The following GCN1 variants were observed in gnomAD, a reference collection of about 807,000 sequenced individuals.
GCN1 encodes GCN1 activator of EIF2AK4.
A neutral mutation model predicts 288.4 loss-of-function variants in GCN1; 90 were observed. The observed-to-expected ratio is 0.31, with a 90% CI of 0.26 to 0.37. The LOEUF is 0.37. GCN1 is among the 10% of genes least tolerant of loss of function. The pLI is 1.00. For synonymous variants in GCN1, 1,386 were observed against 1,420.2 expected, an observed-to-expected ratio of 0.98 and a Z score of 0.54; for missense variants, 2,586 against 3,419.9, an observed-to-expected ratio of 0.76 and a Z score of 6.08.
Position 120,140,972 on chromosome 12 carries a change from G to A in GCN1, c.5881C>T (p.Leu1961Phe), listed in dbSNP as rs1169423072. The A allele has an allele frequency of 7.3e-5, 117 of 1,613,750 alleles. No homozygotes were observed. The highest frequency in any genetic ancestry group is 9.7e-5 in the Non-Finnish European group (115 of 1,179,896). Residue 1961 changes from leucine (L) to phenylalanine (F), a missense_variant, in exon 45 of 58, where the codon CTC (leucine) becomes TTC (phenylalanine). This residue lies in a region of GCN1 where 437 missense variants were observed against 570.5 expected (regional missense o/e 0.77). Transcript: ENST00000300648. ...DLVRKLGEKI[L>F]PEIIPILEEG... is the part of the protein sequence containing the mutation. The stretch of plus-strand genomic sequence containing the variant: ...TCAAGGATGGGGATGATCTCGGGGA[G>A]GATTTTCTCCCCTAACTTCCGCACA...
At chr12:120,181,465 C>CAAAAAAAAAAAAAA (rs71072594) in intron 5 of GCN1, among the ~76,000 whole-genome samples, 8 of 74,038 alleles carry the variant, frequency 1.1e-4, no homozygotes, top group African/African-American at 4.2e-4. Flanking sequence ...ATCTTTGTCT[C>CAAAAAAAAAAAAAA]AAAAAAAAAA....
Position 120,156,786 on chromosome 12 carries a change from G to A in GCN1, c.3168+126C>T. ...ACAACAGTCAGGCTGGCTCTCTAAA[G>A]CAGTCTTTCTACCAAAGTCCAAAAG... On this transcript the variant is annotated intron_variant, in intron 27 of 57. Coordinates refer to ENST00000300648, the MANE Select transcript of GCN1 (RefSeq NM_006836.2). This position sits in a 1 kb window ranked among gnomAD's most constrained non-coding sequence, Gnocchi z 5.8. The A allele has an allele frequency of 1.1e-6, 1 of 915,966 alleles. No homozygotes were observed. Among genetic ancestry groups the A allele is most frequent in the Non-Finnish European group, 1.8e-6 (1 of 568,960 alleles). The allele number at this position is 915,966 out of a possible 1,614,324, so 56.7% of individuals were successfully genotyped here.
intron 51 of GCN1, 28 bp downstream of exon 51, chr12:120,136,474 G>C: frequency 6.5e-7 from 1 of 1,540,192 alleles, no homozygotes; most frequent in Non-Finnish European, 9.0e-7. Context: ...TGTTCTCTAA[G>C]ATCTGAACAA....
intron 34 of GCN1, among the ~76,000 whole-genome samples, chr12:120,150,386 G>A (rs1877502139): frequency 6.6e-6 from 1 of 151,690 alleles, no homozygotes; most frequent in Non-Finnish European, 1.5e-5. Flanking sequence ...CACGAGGTCA[G>A]GAAATAGAGA....
chr12:120,140,003 CA>C (rs1250864228), intron 45 of GCN1, among the ~76,000 whole-genome samples: 2 of 152,248 alleles, frequency 1.3e-5, no homozygotes, highest in Non-Finnish European at 2.9e-5. Flanking sequence ...ACTTTGCAGA[CA>C]AGAACTCAGC....
In GCN1 at chr12:120,132,123, G is replaced by A. The variant is rs1330632204; in HGVS notation, c.7318-101C>T. ...AGAGCCCAGGATGGACAGCAACAAA[G>A]AAGGTGGAAAAGCCAACTCAGAGAC... On this transcript the variant is annotated intron_variant, in intron 53 of 57. Coordinates refer to ENST00000300648, the MANE Select transcript of GCN1 (RefSeq NM_006836.2). 4 of 775,016 alleles carry A rather than the reference G, an allele frequency of 5.2e-6. No individual in the cohort carries two copies. In the East Asian group the frequency reaches 1.1e-4, roughly 21 times the overall value. The allele number at this position is 775,016 out of a possible 1,614,324, so 48.0% of individuals were successfully genotyped here.
At chr12:120,186,063 G>T (rs1180637500) in intron 2 of GCN1, among the ~76,000 whole-genome samples, 1 of 152,124 alleles carries the variant, frequency 6.6e-6, no homozygotes, top group Non-Finnish European at 1.5e-5. Context: ...GCTGGGGGCA[G>T]TGGCTCACGC....
In GCN1 at chr12:120,142,783, C is replaced by CA. The variant is rs201796801; in HGVS notation, c.5613+40dup. 1.9e-3 allele frequency: 2,982 copies of CA among 1,591,866 alleles called. 33 individuals carry two copies. The African/African-American group carries it at 0.03, about 16-fold the overall frequency. ...CCTCTATGGCATGGGCATCAGGGCA[C>CA]ACCCTACCATCAGCAGGGGCAGGAA... On this transcript the variant is annotated intron_variant, in intron 43 of 57. Transcript: ENST00000300648. The surrounding 1 kb of genome is among the most constrained non-coding windows in gnomAD (Gnocchi z 4.9).
intron 5 of GCN1, among the ~76,000 whole-genome samples, chr12:120,181,915 G>A (rs940623400): frequency 4.0e-5 from 6 of 151,030 alleles, no homozygotes; most frequent in Admixed American, 3.3e-4. Flanking sequence ...GGGAGGCTGA[G>A]ACAGACGGAT....
intron 3 of GCN1, 35 bp downstream of exon 3, chr12:120,184,789 G>C: frequency 6.8e-7 from 1 of 1,479,856 alleles, no homozygotes; most frequent in Non-Finnish European, 9.4e-7. Flanking sequence ...TCTGTACAAA[G>C]TGCTCCACAT....
Position 120,153,168 on chromosome 12 carries a change from C to T in GCN1, c.4062+45G>A. On this transcript the variant is annotated intron_variant, in intron 33 of 57. Transcript: ENST00000300648. This position sits in a 1 kb window ranked among gnomAD's most constrained non-coding sequence, Gnocchi z 4.4. ...CCACCGCCTAACCACAGCCGGGTCC[C>T]AATTCTCTAACCGACATGTGGGTCC... is the stretch of plus-strand genomic sequence containing the variant. 6.4e-7 allele frequency: 1 copy of T among 1,562,244 alleles called. No individual in the cohort carries two copies. The highest frequency in any genetic ancestry group is 1.1e-5 in the South Asian group (1 of 89,420).
intron 51 of GCN1, among the ~76,000 whole-genome samples, chr12:120,135,972 C>T (rs1200084598): frequency 6.6e-6 from 1 of 152,000 alleles, no homozygotes; most frequent in South Asian, 2.1e-4. Context: ...GCCGAGATCG[C>T]GCCACTGCAC....
At chr12:120,178,800 G>A (rs1287542674) in intron 6 of GCN1, 41 bp from the exon 7 acceptor site, 2 of 1,613,640 alleles carry the variant, frequency 1.2e-6, no homozygotes, top group African/African-American at 1.3e-5. Context: ...AGATGGCAGT[G>A]GGGGAGTGGC....
intron 19 of GCN1, 48 bp from the exon 20 acceptor site, chr12:120,163,019 AC>A: frequency 1.2e-6 from 2 of 1,613,590 alleles, no homozygotes; most frequent in Non-Finnish European, 1.7e-6. Context: ...GCCTGCTCTT[AC>A]CCCATCCCCT....
chr12:120,131,419 A>G (rs1473652459), intron 54 of GCN1, 86 bp from the exon 55 acceptor site: 36 of 1,338,050 alleles, frequency 2.7e-5, no homozygotes, highest in South Asian at 3.8e-5. Context: ...ACCCCGCTGG[A>G]GACCAGTGTG....
At chr12:120,148,694 G>C (rs1877438371) in intron 36 of GCN1, among the ~76,000 whole-genome samples, 1 of 152,206 alleles carries the variant, frequency 6.6e-6, no homozygotes, top group Non-Finnish European at 1.5e-5. Context: ...GATTTGTGTT[G>C]TTTCAAACTA....
intron 5 of GCN1, among the ~76,000 whole-genome samples, chr12:120,181,070 T>G (rs867103767): frequency 1.3e-5 from 2 of 151,882 alleles, no homozygotes; most frequent in African/African-American, 4.8e-5. Flanking sequence ...TCCATTTGCA[T>G]GTATACAAAA....
Position 120,156,803 on chromosome 12 carries a change from G to C in GCN1, c.3168+109C>G. Reference sequence around the variant, plus strand: ...TCTCTAAAGCAGTCTTTCTACCAAAGTCCAAAAGTAAGGGCTGAAAGGAAA... The same window carrying C: ...TCTCTAAAGCAGTCTTTCTACCAAACTCCAAAAGTAAGGGCTGAAAGGAAA... On this transcript the variant is annotated intron_variant, in intron 27 of 57. Transcript: ENST00000300648. This position sits in a 1 kb window ranked among gnomAD's most constrained non-coding sequence, Gnocchi z 5.8. 1.0e-6 allele frequency: 1 copy of C among 971,264 alleles called. No homozygotes were observed. The highest frequency in any genetic ancestry group is 1.6e-6 in the Non-Finnish European group (1 of 607,980). 60.2% of individuals were successfully genotyped at this position (971,264 alleles called of 1,614,324 possible).
In GCN1 at chr12:120,134,322, G is replaced by A. The variant is rs898548949; in HGVS notation, c.7286C>T (p.Ser2429Leu). The A allele has an allele frequency of 3.2e-5, 52 of 1,613,874 alleles. No individual in the cohort carries two copies. Among genetic ancestry groups the A allele is most frequent in the Middle Eastern group, 1.6e-4 (1 of 6,084 alleles). ...GTGTCCCAGCATGCTCAGCAGGAGT[G>A]AGACGATGTTTTTCCGGATGACGGC... is the stretch of plus-strand genomic sequence containing the variant. ...VDAVIRKNIVSLLLSMLGHDE... is the reference protein window; with the variant it reads ...VDAVIRKNIVLLLLSMLGHDE... Residue 2429 changes from serine (S) to leucine (L), a missense_variant, in exon 53 of 58, where the codon TCA (serine) becomes TTA (leucine). Physicochemically the swap from Ser to Leu is moderately radical, Grantham distance 145. Coordinates refer to ENST00000300648, the MANE Select transcript of GCN1 (RefSeq NM_006836.2). The surrounding 1 kb of genome is among the most constrained non-coding windows in gnomAD (Gnocchi z 5.0).
Sources: gnomAD v4.1 joint callset for allele counts (sites outside exome capture counted in the v4.1 genomes callset) on GRCh38, gnomAD v4.1.1 for gene constraint, gnomAD v4.1.1 regional missense constraint, Gnocchi (gnomAD v3.1) non-coding constraint, MANE v1.5 for transcripts, NCBI Gene and HGNC (gene_info 2026-07-23, HGNC 2026-07-21) for gene names.